The following SIPA1 variants were observed in gnomAD, a reference collection of about 807,000 sequenced individuals.
The protein encoded by SIPA1 is signal-induced proliferation-associated protein 1.
Under a neutral mutation model 88.1 loss-of-function variants are expected in SIPA1, and 51 were observed. The ratio of observed to expected loss-of-function variants is 0.58; its 90% CI spans 0.46 to 0.73. The LOEUF is 0.73. SIPA1 is among the 30% of genes least tolerant of loss of function. The probability of loss-of-function intolerance (pLI) is 0.00; values close to 1 mark genes in which losing one functional copy is unlikely to be tolerated. For missense variants in SIPA1, 1,348 were observed against 1,467.6 expected (o/e 0.92, Z 1.33); for synonymous variants, 681 against 664.8 (o/e 1.02, Z -0.37).
chr11:65,639,070 T>G (rs542342157), intron 1 of SIPA1: 1 of 152,426 alleles, frequency 6.6e-6, no homozygotes, highest in Admixed American at 6.5e-5. Flanking sequence ...TCTCAGTCTC[T>G]CAGCAGCCTT....
At chr11:65,643,268 C>T (rs572336517) in intron 4 of SIPA1, among the ~76,000 whole-genome samples, 1 of 152,300 alleles carries the variant, frequency 6.6e-6, no homozygotes, top group South Asian at 2.1e-4. Context: ...TGGTCTGACT[C>T]ACCCCACTGG....
chr11:65,638,451 G>C (rs1028468547), intron 1 of SIPA1: 1 of 152,836 alleles, frequency 6.5e-6, no homozygotes. Context: ...CTGACTCCTG[G>C]TGGCGGCACT....
At position 65,650,411 on chromosome 11, in the gene SIPA1, G is replaced by A; in HGVS notation, c.2914G>A (p.Gly972Arg). The A allele has an allele frequency of 6.2e-7, 1 of 1,614,030 alleles. No homozygotes were observed. Among genetic ancestry groups the A allele is most frequent in the Non-Finnish European group, 8.5e-7 (1 of 1,179,980 alleles). ...CCCCCATGTCTTCAGGCCAGAGCCTGGGAACCTCTCAGAGAAGGTCTCTCA... is the reference window on the plus strand; with the variant it reads ...CCCCCATGTCTTCAGGCCAGAGCCTAGGAACCTCTCAGAGAAGGTCTCTCA... ...TPKSDAEPEPGNLSEKVSHLE... is the reference protein window; with the variant it reads ...TPKSDAEPEPRNLSEKVSHLE... The change falls in exon 15 of 16, where the codon GGG (glycine) becomes AGG (arginine). Residue 972 changes from glycine (G) to arginine (R), a missense_variant. Physicochemically the swap from Gly to Arg is moderately radical, Grantham distance 125. This residue lies in a region of SIPA1 where 615 missense variants were observed against 559.8 expected (regional missense o/e 1.10). Transcript: ENST00000534313.
Position 65,646,544 on chromosome 11 carries a change from C to G in SIPA1, c.1510C>G (p.Arg504Gly), listed in dbSNP as rs533075532. 1 of 1,556,598 alleles carries G rather than the reference C, an allele frequency of 6.4e-7. No homozygotes were observed. The highest frequency in any genetic ancestry group is 8.6e-7 in the Non-Finnish European group (1 of 1,157,238). The change falls in exon 8 of 16, where the codon CGG becomes GGG. Residue 504 changes from arginine (R) to glycine (G), a missense_variant. This residue lies in a region of SIPA1 where 641 missense variants were observed against 797.7 expected (regional missense o/e 0.80). Transcript: ENST00000534313. This position sits in a 1 kb window ranked among gnomAD's most constrained non-coding sequence, Gnocchi z 7.5. ...CCCCTTCGCAGCCAACGCCGACTTC[C>G]GGGCCTTCCTGCTGGCCAAAGCGCT... ...GGPFAANADF[R>G]AFLLAKALNG...
chr11:65,638,845 A>T (rs1416752624), intron 1 of SIPA1, among the ~76,000 whole-genome samples: 1 of 152,248 alleles, frequency 6.6e-6, no homozygotes, highest in Non-Finnish European at 1.5e-5. Flanking sequence ...GGCAGCGCAC[A>T]GGCTGGGTGC....
chr11:65,650,338 G>A, intron 14 of SIPA1, 63 bp from the exon 15 acceptor site: 2 of 1,574,040 alleles, frequency 1.3e-6, no homozygotes, highest in South Asian at 1.1e-5. Context: ...GCTGGGGCTG[G>A]GAGTCAGCTG....
At position 65,640,845 on chromosome 11, in the gene SIPA1, C is replaced by T. The variant is rs1442848190; in HGVS notation, c.-77C>T. The T allele has an allele frequency of 8.8e-5, 117 of 1,323,216 alleles. No individual in the cohort carries two copies. Among genetic ancestry groups the T allele is most frequent in the Non-Finnish European group, 1.1e-4 (113 of 1,003,948 alleles). 82.0% of individuals were successfully genotyped at this position (1,323,216 alleles called of 1,614,324 possible). A position where few individuals can be genotyped will look rare whatever the true frequency, so the allele number is the denominator to read the frequency against. ...TCCTCCTTCAGGGCAGGAACTGCTG[C>T]CACAACCTCAGGCTGGGCACCAAAC... On this transcript the variant is annotated 5_prime_UTR_variant, in exon 2 of 16. Transcript: ENST00000534313.
intron 4 of SIPA1, among the ~76,000 whole-genome samples, chr11:65,643,757 G>C (rs1267057731): frequency 6.6e-6 from 1 of 152,210 alleles, no homozygotes; most frequent in Admixed American, 6.5e-5. Flanking sequence ...CAAAGGCTTG[G>C]AGAATGAGAG....
chr11:65,649,072 G>A, intron 9 of SIPA1, 190 bp from the exon 10 acceptor site: 1 of 558,658 alleles, frequency 1.8e-6, no homozygotes, highest in East Asian at 2.9e-5. Context: ...GGGATATACA[G>A]GGGCAGCACT....
chr11:65,646,966 G>C lies in SIPA1; in HGVS notation c.1932G>C (p.Glu644Asp). 6.5e-7 allele frequency: 1 copy of C among 1,540,006 alleles called. No individual in the cohort carries two copies. The highest frequency in any genetic ancestry group is 8.7e-7 in the Non-Finnish European group (1 of 1,148,622). The change falls in exon 8 of 16, where the codon GAG becomes GAC. Residue 644 changes from glutamate (E) to aspartate (D), a missense_variant. Transcript: ENST00000534313. The surrounding 1 kb of genome is among the most constrained non-coding windows in gnomAD (Gnocchi z 7.5). Reference protein sequence around the residue: ...CRDVLAWTFSEQQLDLYHGRG... With the variant: ...CRDVLAWTFSDQQLDLYHGRG... ...ACGTGCTGGCCTGGACCTTCTCCGAGCAGCAGCTGGACCTGTACCACGGCC... is the reference window on the plus strand; with the variant it reads ...ACGTGCTGGCCTGGACCTTCTCCGACCAGCAGCTGGACCTGTACCACGGCC...
In SIPA1 at chr11:65,647,780, A is replaced by G. The variant is rs1437362290; in HGVS notation, c.2306+122A>G. ...AGTGTGGATACCTTTCCTTCTGGAA[A>G]GAATCTCCCGTCTCTTAGCCCGTCT... On this transcript the variant is annotated intron_variant, in intron 9 of 15. Transcript: ENST00000534313. The G allele has an allele frequency of 7.9e-6, 6 of 756,468 alleles. No homozygotes were observed. The South Asian group carries it at 2.0e-4, about 25-fold the overall frequency. The allele number at this position is 756,468 out of a possible 1,614,324, so 46.9% of individuals were successfully genotyped here.
In SIPA1 at chr11:65,641,557, A is replaced by G. The variant is rs769501309; in HGVS notation, c.636A>G (p.Ala212=). 39 of 1,612,062 alleles carry G rather than the reference A, an allele frequency of 2.4e-5. No homozygotes were observed. Among genetic ancestry groups the G allele is most frequent in the South Asian group, 2.0e-4 (18 of 91,084 alleles). The change falls in exon 2 of 16, where the codon GCA becomes GCG. Residue 212 remains alanine, a synonymous_variant. Coordinates refer to ENST00000534313, the MANE Select transcript of SIPA1 (RefSeq NM_006747.4). ...NRTSAYSLEH[A]DLGAGYYRKY... is the part of the protein sequence containing the mutation. Reference sequence around the variant, plus strand: ...CCTCGGCCTACAGCCTGGAGCACGCAGACCTGGGTGCTGGCTACTACCGCA... The same window carrying G: ...CCTCGGCCTACAGCCTGGAGCACGCGGACCTGGGTGCTGGCTACTACCGCA...
chr11:65,647,189 G>A, intron 8 of SIPA1, 124 bp downstream of exon 8: 2 of 1,410,712 alleles, frequency 1.4e-6, no homozygotes, highest in South Asian at 3.1e-5. Context: ...GGCAGAGCCA[G>A]CCCCGGGGCT....
intron 4 of SIPA1, 91 bp from the exon 5 acceptor site, chr11:65,644,864 G>A (rs930922417): frequency 3.7e-6 from 5 of 1,365,602 alleles, no homozygotes; most frequent in South Asian, 1.3e-5. Context: ...CTGGTGCTCA[G>A]CCCCAGGCCA....
Position 65,649,370 on chromosome 11 carries a change from G to T in SIPA1, c.2415G>T (p.Lys805Asn). Reference sequence around the variant, plus strand: ...GGGTGACCCTGCTGCCCACCACAAAGCAGCTGCTGCACCTGTGCCTGCAAG... The same window carrying T: ...GGGTGACCCTGCTGCCCACCACAAATCAGCTGCTGCACCTGTGCCTGCAAG... Reference protein sequence around the residue: ...VQGVTLLPTTKQLLHLCLQDG... With the variant: ...VQGVTLLPTTNQLLHLCLQDG... Residue 805 changes from lysine (K) to asparagine (N), a missense_variant, in exon 10 of 16, where the codon AAG becomes AAT. Transcript: ENST00000534313. 6.4e-7 allele frequency: 1 copy of T among 1,569,770 alleles called. No individual in the cohort carries two copies. The highest frequency in any genetic ancestry group is 2.4e-5 in the East Asian group (1 of 42,222).
At chr11:65,643,103 A>T (rs550292366) in intron 4 of SIPA1, among the ~76,000 whole-genome samples, 36 of 152,068 alleles carry the variant, frequency 2.4e-4, no homozygotes, top group African/African-American at 8.7e-4. Context: ...TGTAGTAGAG[A>T]TGGGGGTTTT....
rs144101770 is a variant in SIPA1 at position 65,650,476 on chromosome 11, G to A, written c.2979G>A (p.Gln993=). ...TCAGGAAGCTGCAGGAGGACCTGCA[G>A]AAGGTGAGGGGTGGGCTGAGCTTGG... ...SMLRKLQEDL[Q]KEKADRAALE... The change falls in exon 15 of 16, where the codon CAG becomes CAA. Residue 993 remains glutamine, a synonymous_variant. Coordinates refer to ENST00000534313, the MANE Select transcript of SIPA1 (RefSeq NM_006747.4). 238 of 1,614,208 alleles carry A rather than the reference G, an allele frequency of 1.5e-4. No homozygotes were observed. In the African/African-American group the frequency reaches 2.9e-3, roughly 20 times the overall value.
rs372588989 is a variant in SIPA1, at chr11:65,649,305, C to T, written c.2350C>T (p.Arg784Trp). 13 of 1,554,686 alleles carry T rather than the reference C, an allele frequency of 8.4e-6. No individual in the cohort carries two copies. The African/African-American group carries it at 1.1e-4, about 13-fold the overall frequency. ...LYTLSLQEPSRRGAPDPVQDE... is the reference protein window; with the variant it reads ...LYTLSLQEPSWRGAPDPVQDE... ...CACGCTGTCGCTGCAGGAGCCTAGC[C>T]GGCGGGGGGCCCCAGATCCTGTGCA... The change falls in exon 10 of 16, where the codon CGG becomes TGG. Residue 784 changes from arginine (R) to tryptophan (W), a missense_variant. This residue lies in a region of SIPA1 where 615 missense variants were observed against 559.8 expected (regional missense o/e 1.10). Coordinates refer to ENST00000534313, the MANE Select transcript of SIPA1 (RefSeq NM_006747.4).
In SIPA1 at chr11:65,641,429, G is replaced by A. The variant is rs770555361; in HGVS notation, c.508G>A (p.Gly170Arg). Residue 170 changes from glycine (G) to arginine (R), a missense_variant, in exon 2 of 16, where the codon GGG becomes AGG. Coordinates refer to ENST00000534313, the MANE Select transcript of SIPA1 (RefSeq NM_006747.4). The stretch of plus-strand genomic sequence containing the variant: ...GGCACCTGGCTTTGTGTGTGAGCTC[G>A]GGGGTGAGGGTGAGCTAGGCCTGGG... ...HGAPGFVCEL[G>R]GEGELGLGGP... 9.9e-6 allele frequency: 16 copies of A among 1,612,572 alleles called. No individual in the cohort carries two copies. Among genetic ancestry groups the A allele is most frequent in the Non-Finnish European group, 1.3e-5 (15 of 1,180,006 alleles).
Sources: allele counts gnomAD v4.1 joint callset (sites outside exome capture counted in the v4.1 genomes callset), GRCh38; gene constraint gnomAD v4.1.1; regional missense constraint gnomAD v4.1.1; non-coding constraint Gnocchi (gnomAD v3.1); transcripts MANE v1.5; gene names NCBI Gene and HGNC (gene_info 2026-07-23, HGNC 2026-07-21).